The following MMP2 variants were observed in gnomAD, a reference collection of about 807,000 sequenced individuals.
MMP2 encodes matrix metallopeptidase 2, also known as 72 kDa type IV collagenase.
Under a neutral mutation model 74.8 loss-of-function variants are expected in MMP2, and 39 were observed. That is an observed-to-expected ratio of 0.52 (90% CI 0.40 to 0.68). The LOEUF (loss-of-function observed/expected upper bound fraction) is 0.68. Ranked by LOEUF, MMP2 falls within the 30% of genes least tolerant of loss-of-function variation. The pLI, the probability that MMP2 is intolerant of heterozygous loss-of-function variation, is 0.00. For synonymous variants in MMP2, 367 were observed against 339.8 expected, an observed-to-expected ratio of 1.08 and a Z score of -0.88; for missense variants, 803 against 878.3, an observed-to-expected ratio of 0.91 and a Z score of 1.08.
In MMP2 at chr16:55,498,284, C is replaced by T; in HGVS notation, c.1610-5C>T. 2.5e-6 allele frequency: 4 copies of T among 1,614,006 alleles called. No homozygotes were observed. Among genetic ancestry groups the T allele is most frequent in the Non-Finnish European group, 3.4e-6 (4 of 1,179,982 alleles). On this transcript the variant is annotated splice_region_variant and splice_polypyrimidine_tract_variant and intron_variant, in intron 10 of 12. Transcript: ENST00000219070. Reference sequence around the variant, plus strand: ...CAGCCAACACACCCTTTGCTTCCACCCCAGGGAATGAATACTGGATCTACT... The same window carrying T: ...CAGCCAACACACCCTTTGCTTCCACTCCAGGGAATGAATACTGGATCTACT...
chr16:55,498,499 G>T, intron 11 of MMP2, 51 bp downstream of exon 11: 1 of 1,613,124 alleles, frequency 6.2e-7, no homozygotes, highest in Non-Finnish European at 8.5e-7. Flanking sequence ...GCGAGAGACA[G>T]AGAAGCCGCC....
In MMP2 at chr16:55,479,554, C is replaced by T; in HGVS notation, c.75C>T (p.Ser25=). The T allele has an allele frequency of 1.2e-6, 2 of 1,612,620 alleles. No homozygotes were observed. The highest frequency in any genetic ancestry group is 2.2e-5 in the East Asian group (1 of 44,838). The change falls in exon 1 of 13, where the codon AGC becomes AGT. Residue 25 remains serine, a synonymous_variant. Transcript: ENST00000219070. ...TCTGTCTCCTGGGCTGCCTGCTGAG[C>T]CACGCCGCCGCCGCGCCGTCGCCCA... ...RALCLLGCLL[S]HAAAAPSPII...
intron 11 of MMP2, among the ~76,000 whole-genome samples, chr16:55,501,005 C>G (rs2142371783): frequency 1.3e-5 from 2 of 152,352 alleles, no homozygotes; most frequent in East Asian, 3.9e-4. Flanking sequence ...AATCATCACA[C>G]CCTGCCCTCA....
chr16:55,482,288 T>C (rs560055983), intron 1 of MMP2, among the ~76,000 whole-genome samples: 57 of 152,334 alleles, frequency 3.7e-4, no homozygotes, highest in Admixed American at 9.8e-4. Flanking sequence ...GACTACTTTC[T>C]TTTTGCAAAT....
In MMP2 at chr16:55,479,513, G is replaced by A; in HGVS notation, c.34G>A (p.Gly12Ser). ...EALMARGALTGPLRALCLLGC... is the reference protein window; with the variant it reads ...EALMARGALTSPLRALCLLGC... ...GCTAATGGCCCGGGGCGCGCTCACG[G>A]GTCCCCTGAGGGCGCTCTGTCTCCT... The change falls in exon 1 of 13, where the codon GGT becomes AGT. Residue 12 changes from glycine to serine, a missense_variant. Coordinates refer to ENST00000219070, the MANE Select transcript of MMP2 (RefSeq NM_004530.6). The A allele has an allele frequency of 6.2e-7, 1 of 1,601,018 alleles. No homozygotes were observed. The highest frequency in any genetic ancestry group is 2.3e-5 in the East Asian group (1 of 44,176).
At position 55,489,660 on chromosome 16, in the gene MMP2, C is replaced by T. The variant is rs772495314; in HGVS notation, c.1016C>T (p.Thr339Ile). Residue 339 changes from threonine (T) to isoleucine (I), a missense_variant, in exon 7 of 13, where the codon ACT (threonine) becomes ATT (isoleucine). By Grantham distance (89) the Thr-to-Ile change is moderately conservative. This residue lies in a region of MMP2 where 555 missense variants were observed against 592.0 expected (regional missense o/e 0.94). Coordinates refer to ENST00000219070, the MANE Select transcript of MMP2 (RefSeq NM_004530.6). ...YGFCPETAMSTVGGNSEGAPC... is the reference protein window; with the variant it reads ...YGFCPETAMSIVGGNSEGAPC... ...ATCCCTAACCCCACAGCCATGTCCA[C>T]TGTTGGTGGGAACTCAGAAGGTGCC... 3.1e-6 allele frequency: 5 copies of T among 1,614,086 alleles called. No homozygotes were observed. The highest frequency in any genetic ancestry group is 1.3e-5 in the African/African-American group (1 of 74,942).
Position 55,483,101 on chromosome 16 carries a change from A to G in MMP2, c.346A>G (p.Lys116Glu), listed in dbSNP as rs1962150035. The change falls in exon 2 of 13, where the codon AAG becomes GAG. Residue 116 changes from lysine to glutamate, a missense_variant. Physicochemically the swap from Lys to Glu is moderately conservative, Grantham distance 56 (BLOSUM62 1). Coordinates refer to ENST00000219070, the MANE Select transcript of MMP2 (RefSeq NM_004530.6). The part of the protein sequence containing the change: ...DVANYNFFPR[K>E]PKWDKNQITY... ...GGCCAACTACAACTTCTTCCCTCGC[A>G]AGCCCAAGTGGGACAAGAACCAGAT... 2.5e-6 allele frequency: 4 copies of G among 1,614,072 alleles called. No homozygotes were observed. Among genetic ancestry groups the G allele is most frequent in the South Asian group, 1.1e-5 (1 of 91,068 alleles).
At chr16:55,499,176 A>AAG (rs1267905009) in intron 11 of MMP2, among the ~76,000 whole-genome samples, 5 of 151,576 alleles carry the variant, frequency 3.3e-5, no homozygotes, top group African/African-American at 4.8e-5. Context: ...CTCAAAAAAA[A>AAG]AAAAAAGAAA....
intron 2 of MMP2, among the ~76,000 whole-genome samples, chr16:55,483,643 TG>T (rs1962164564): frequency 6.6e-6 from 1 of 152,102 alleles, no homozygotes; most frequent in African/African-American, 2.4e-5. Flanking sequence ...GTTCCAATGG[TG>T]GGATCTTTGC....
At chr16:55,497,100 C>G in intron 10 of MMP2, 38 bp downstream of exon 10, 2 of 1,613,244 alleles carry the variant, frequency 1.2e-6, no homozygotes, top group Non-Finnish European at 8.5e-7. Context: ...CTCAGCTCCA[C>G]AGGGCTCTGC....
At chr16:55,483,772 G>A (rs576751815) in intron 2 of MMP2, among the ~76,000 whole-genome samples, 1 of 152,256 alleles carries the variant, frequency 6.6e-6, no homozygotes, top group South Asian at 2.1e-4. Context: ...GGTCTTCAAG[G>A]CATTCTGGGA....
At chr16:55,497,139 C>A in intron 10 of MMP2, 77 bp downstream of exon 10, 1 of 1,596,796 alleles carries the variant, frequency 6.3e-7, no homozygotes, top group South Asian at 1.1e-5. Flanking sequence ...CCCAGGCTCA[C>A]TCCCCCTCTC....
chr16:55,489,926 A>G lies in MMP2; in HGVS notation c.1180+102A>G, dbSNP rs17859919. 8.3e-3 allele frequency: 11,253 copies of G among 1,357,814 alleles called. 103 individuals are homozygous for G. Among genetic ancestry groups the G allele is most frequent in the African/African-American group, 0.036 (2,510 of 69,634 alleles). The allele number at this position is 1,357,814 out of a possible 1,614,324, so 84.1% of individuals were successfully genotyped here. On this transcript the variant is annotated intron_variant, in intron 7 of 12. Coordinates refer to ENST00000219070, the MANE Select transcript of MMP2 (RefSeq NM_004530.6). The stretch of plus-strand genomic sequence containing the variant: ...GACCTCACCCACTTCAAGCATAGAC[A>G]CTGCCCCCCAGACACCCACCTACCC...
In MMP2 at chr16:55,481,560, G is replaced by T. The variant is rs139548363; in HGVS notation, c.154-1349G>T. ...CCTGTCTCATTCTGTGACTAAGAAT[G>T]CATGCCTGCCCTCCTGGGAATGAAG... On this transcript the variant is annotated intron_variant, in intron 1 of 12. Transcript: ENST00000219070. The T allele has an allele frequency of 8.0e-3, 2,726 of 341,994 alleles. 15 individuals carry two copies. Among genetic ancestry groups the T allele is most frequent in the Non-Finnish European group, 0.011 (2,106 of 189,322 alleles). The allele number at this position is 341,994 out of a possible 1,614,324, so 21.2% of individuals were successfully genotyped here.
At chr16:55,493,980 G>T (rs1355974235) in intron 9 of MMP2, among the ~76,000 whole-genome samples, 1 of 152,168 alleles carries the variant, frequency 6.6e-6, no homozygotes, top group Non-Finnish European at 1.5e-5. Flanking sequence ...CTGGAGAATG[G>T]CAGGCAGTAT....
chr16:55,492,706 C>T (rs1389490134), intron 8 of MMP2, among the ~76,000 whole-genome samples: 1 of 152,010 alleles, frequency 6.6e-6, no homozygotes, highest in African/African-American at 2.4e-5. Context: ...AGTCTTTATA[C>T]CTCTTTGGAC....
At position 55,482,967 on chromosome 16, in the gene MMP2, A is replaced by C. The variant is rs2142344363; in HGVS notation, c.212A>C (p.Lys71Thr). ...PKESCNLFVL[K>T]DTLKKMQKFF... ...GAGAGCTGCAACCTGTTTGTGCTGA[A>C]GGACACACTAAAGAAGATGCAGAAG... Residue 71 changes from lysine (K) to threonine (T), a missense_variant, in exon 2 of 13, where the codon AAG (lysine) becomes ACG (threonine). Coordinates refer to ENST00000219070, the MANE Select transcript of MMP2 (RefSeq NM_004530.6). 1 of 1,614,208 alleles carries C rather than the reference A, an allele frequency of 6.2e-7. No individual in the cohort carries two copies. The highest frequency in any genetic ancestry group is 1.1e-5 in the South Asian group (1 of 91,082).
At chr16:55,494,918 G>C (rs1962496647) in intron 9 of MMP2, among the ~76,000 whole-genome samples, 1 of 152,206 alleles carries the variant, frequency 6.6e-6, no homozygotes, top group Non-Finnish European at 1.5e-5. Flanking sequence ...GAGACAGAGG[G>C]ACCTGCAGAG....
chr16:55,485,167 G>T, intron 3 of MMP2, 132 bp from the exon 4 acceptor site: 3 of 1,306,156 alleles, frequency 2.3e-6, no homozygotes, highest in East Asian at 2.3e-5. Flanking sequence ...GACAGTCCTG[G>T]ATAACCCCAC....
Sources: allele counts gnomAD v4.1 joint callset (sites outside exome capture counted in the v4.1 genomes callset), GRCh38; gene constraint gnomAD v4.1.1; regional missense constraint gnomAD v4.1.1; transcripts MANE v1.5; gene names NCBI Gene and HGNC (gene_info 2026-07-23, HGNC 2026-07-21).